SGO2: variants seen among roughly 807,000 people sequenced by gnomAD.
The protein encoded by SGO2 is shugoshin 2, also known as shugoshin-like 2.
SGO2 carries 68 observed loss-of-function variants against 99.5 expected under a neutral mutation model. The observed-to-expected ratio is 0.68, with a 90% CI of 0.56 to 0.84. The LOEUF (loss-of-function observed/expected upper bound fraction) is 0.84. SGO2 is among the 40% of genes least tolerant of loss of function. The pLI is 0.00. For missense variants in SGO2, 1,350 were observed against 1,436.7 expected, an observed-to-expected ratio of 0.94 and a Z score of 0.97; for synonymous variants, 457 against 487.1, an observed-to-expected ratio of 0.94 and a Z score of 0.81.
Position 200,569,894 on chromosome 2 carries a change from TG to T in SGO2, c.703+3del. The T allele has an allele frequency of 6.5e-7, 1 of 1,547,064 alleles. No individual in the cohort carries two copies. The highest frequency in any genetic ancestry group is 8.9e-7 in the Non-Finnish European group (1 of 1,125,560). ...CTATAGTTGATGTACCTCCCAGAGG[TG>T]AGATTGTTTTAAAAATTCATTTTGA... On this transcript the variant is annotated splice_donor_region_variant and intron_variant, in intron 6 of 8. Transcript: ENST00000357799.
At chr2:200,574,357 G>A (rs1192722199) in intron 7 of SGO2, among the ~76,000 whole-genome samples, 2 of 151,950 alleles carry the variant, frequency 1.3e-5, no homozygotes, top group African/African-American at 4.8e-5. Context: ...TTTCTTGAGA[G>A]TGAGACTCTT....
chr2:200,570,478 ATG>A lies in SGO2; in HGVS notation c.704-541_704-540del, dbSNP rs71022323. On this transcript the variant is annotated intron_variant, in intron 6 of 8. Coordinates refer to ENST00000357799, the MANE Select transcript of SGO2 (RefSeq NM_152524.6). The surrounding 1 kb of genome is among the most constrained non-coding windows in gnomAD (Gnocchi z 4.4). ...TTAGAATTGTTTTTCCTTTCTGAAA[ATG>A]TGTGTGTGTGTGTGTGTGTGTGTGT... Among the ~76,000 whole-genome samples, 5,029 of 142,752 alleles carry A rather than the reference ATG, an allele frequency of 0.035. 240 individuals carry two copies. The highest frequency in any genetic ancestry group is 0.11 in the African/African-American group (4,225 of 38,578). The allele number at this position is 142,752 out of a possible 152,430, so 93.7% of individuals were successfully genotyped here.
Position 200,571,877 on chromosome 2 carries a change from G to A in SGO2, c.1531G>A (p.Gly511Ser). 1 of 1,613,448 alleles carries A rather than the reference G, an allele frequency of 6.2e-7. No homozygotes were observed. The highest frequency in any genetic ancestry group is 1.1e-5 in the South Asian group (1 of 91,034). ...EETYSLSQSS[G>S]KFHQESKFDK... is the part of the protein sequence containing the mutation. ...AACATACTCTTTATCCCAAAGTTCA[G>A]GTAAATTTCACCAGGAGAGTAAATT... is the stretch of plus-strand genomic sequence containing the variant. Residue 511 changes from glycine to serine, a missense_variant, in exon 7 of 9, where the codon GGT becomes AGT. Gly to Ser is a moderately conservative substitution (Grantham distance 56). Transcript: ENST00000357799.
rs1173793334 is a variant in SGO2, at chr2:200,571,135, G to A, written c.789G>A (p.Glu263=). The A allele has an allele frequency of 1.2e-6, 2 of 1,613,500 alleles. No homozygotes were observed. The highest frequency in any genetic ancestry group is 2.7e-5 in the African/African-American group (2 of 74,904). The change falls in exon 7 of 9, where the codon GAG becomes GAA. Residue 263 remains glutamate (E), a synonymous_variant. Coordinates refer to ENST00000357799, the MANE Select transcript of SGO2 (RefSeq NM_152524.6). The part of the protein sequence containing the change: ...RNAQSIGRRW[E]KPSPSNVTER... ...CCCAGTCTATTGGCCGCAGATGGGA[G>A]AAACCATCTCCTAGTAATGTGACTG...
At chr2:200,582,663 T>G (rs2033878796) in intron 8 of SGO2, among the ~76,000 whole-genome samples, 1 of 152,270 alleles carries the variant, frequency 6.6e-6, no homozygotes, top group East Asian at 1.9e-4. Context: ...GCAAATATTT[T>G]GTAGGGAGTT....
At position 200,547,479 on chromosome 2, in the gene SGO2, A is replaced by G. The variant is rs145905224; in HGVS notation, c.473+4815A>G. 2.8e-3 allele frequency among the ~76,000 whole-genome samples: 429 copies of G among 152,292 alleles called. 4 individuals carry two copies. The highest frequency in any genetic ancestry group is 9.5e-3 in the African/African-American group (395 of 41,544). On this transcript the variant is annotated intron_variant, in intron 5 of 8. Coordinates refer to ENST00000357799, the MANE Select transcript of SGO2 (RefSeq NM_152524.6). ...CTGGTAAAATTAAGTACACAGACAA[A>G]CTCAGAATCCTTTGTTAACTGTATT...
chr2:200,536,259 TGATAATATCAGTTTTAACTGGCTAACA>T, intron 4 of SGO2, 117 bp downstream of exon 4: 1 of 553,106 alleles, frequency 1.8e-6, no homozygotes. Context: ...AAAGGACTGA[TGATAATATCAGTTTTAACTGGCTAACA>T]GCATATTATC....
rs1220071078 is a variant in SGO2 at position 200,572,005 on chromosome 2, G to C, written c.1659G>C (p.Lys553Asn). ...LEKDNLLPNQ[K>N]DKVTIYENLD... ...AAGATAACTTACTCCCAAACCAAAA[G>C]GATAAAGTAACCATTTATGAAAACC... Residue 553 changes from lysine to asparagine, a missense_variant, in exon 7 of 9, where the codon AAG becomes AAC. By Grantham distance (94) the Lys-to-Asn change is moderately conservative. Coordinates refer to ENST00000357799, the MANE Select transcript of SGO2 (RefSeq NM_152524.6). 6.2e-7 allele frequency: 1 copy of C among 1,611,928 alleles called. No individual in the cohort carries two copies. Among genetic ancestry groups the C allele is most frequent in the East Asian group, 2.2e-5 (1 of 44,834 alleles).
At chr2:200,539,851 T>C (rs1208391135) in intron 4 of SGO2, among the ~76,000 whole-genome samples, 1 of 152,148 alleles carries the variant, frequency 6.6e-6, no homozygotes, top group Non-Finnish European at 1.5e-5. Context: ...ACAGGAATGT[T>C]TTATCTTTTT....
chr2:200,542,523 C>T, intron 4 of SGO2, 56 bp from the exon 5 acceptor site: 1 of 1,367,278 alleles, frequency 7.3e-7, no homozygotes. Flanking sequence ...ACTGTGATAA[C>T]TAACATGATT....
Position 200,573,536 on chromosome 2 carries a change from G to T in SGO2, c.3190G>T (p.Glu1064Ter). Residue 1064 changes from glutamate (E) to a stop codon, truncating the protein, a stop_gained, in exon 7 of 9, where the codon GAA becomes TAA. Transcript: ENST00000357799. LOFTEE classifies it high-confidence loss of function. ...TCTCCCTTTTGTGGAAGAAATAAAA[G>T]AAGGAGAGTGTCAGGTTAAAAAGGT... ...KDLPFVEEIKEGECQVKKVNK... is the reference protein window; with the variant it reads ...KDLPFVEEIK The T allele has an allele frequency of 6.2e-7, 1 of 1,610,920 alleles. No individual in the cohort carries two copies. Among genetic ancestry groups the T allele is most frequent in the South Asian group, 1.1e-5 (1 of 90,182 alleles).
rs1046944878 is a variant in SGO2, at chr2:200,526,910, T to C, written c.-3+658T>C. Reference sequence around the variant, plus strand: ...GCTGATAGTTTACCAGGTCCCGTACTAGACACTGTACATACATTGGCTCAT... The same window carrying C: ...GCTGATAGTTTACCAGGTCCCGTACCAGACACTGTACATACATTGGCTCAT... On this transcript the variant is annotated intron_variant, in intron 1 of 8. Transcript: ENST00000357799. This position sits in a 1 kb window ranked among gnomAD's most constrained non-coding sequence, Gnocchi z 4.8. 6.6e-6 allele frequency among the ~76,000 whole-genome samples: 1 copy of C among 152,222 alleles called. No individual in the cohort carries two copies. The highest frequency in any genetic ancestry group is 2.4e-5 in the African/African-American group (1 of 41,454).
intron 1 of SGO2, among the ~76,000 whole-genome samples, chr2:200,530,719 TA>T (rs1276822841): frequency 6.6e-6 from 1 of 152,128 alleles, no homozygotes; most frequent in African/African-American, 2.4e-5. Flanking sequence ...GCCAAGGAAA[TA>T]CAATTTTTGA....
chr2:200,565,705 G>C (rs554229169), intron 5 of SGO2, among the ~76,000 whole-genome samples: 1 of 152,328 alleles, frequency 6.6e-6, no homozygotes, highest in East Asian at 1.9e-4. Context: ...ACACCAGTCA[G>C]ACGTAGATTT....
intron 5 of SGO2, 108 bp downstream of exon 5, chr2:200,542,772 C>T: frequency 1.1e-6 from 1 of 903,936 alleles, no homozygotes; most frequent in African/African-American, 1.7e-5. Context: ...CTGTAGTTAT[C>T]TACTAACGTA....
chr2:200,530,178 A>G (rs770160231), intron 1 of SGO2, among the ~76,000 whole-genome samples: 4 of 152,164 alleles, frequency 2.6e-5, no homozygotes, highest in Non-Finnish European at 4.4e-5. Flanking sequence ...CACTGTAGGG[A>G]CAGCAGCAGT....
At chr2:200,556,317 A>G (rs2032716056) in intron 5 of SGO2, among the ~76,000 whole-genome samples, 1 of 152,154 alleles carries the variant, frequency 6.6e-6, no homozygotes, top group Non-Finnish European at 1.5e-5. Context: ...GCTCTTTTAA[A>G]AAGTCCTTTT....
At position 200,546,768 on chromosome 2, in the gene SGO2, G is replaced by C. The variant is rs112177594; in HGVS notation, c.473+4104G>C. Among the ~76,000 whole-genome samples, 653 of 152,168 alleles carry C rather than the reference G, an allele frequency of 4.3e-3. 9 individuals carry two copies. The highest frequency in any genetic ancestry group is 0.015 in the African/African-American group (611 of 41,524). On this transcript the variant is annotated intron_variant, in intron 5 of 8. Coordinates refer to ENST00000357799, the MANE Select transcript of SGO2 (RefSeq NM_152524.6). ...CTTTAGAGGTTCTTAACAGCAGAATGAACCAAGCAGAGGAAAGAATCAGTG... is the reference window on the plus strand; with the variant it reads ...CTTTAGAGGTTCTTAACAGCAGAATCAACCAAGCAGAGGAAAGAATCAGTG...
At chr2:200,553,162 C>G (rs1160475679) in intron 5 of SGO2, among the ~76,000 whole-genome samples, 1 of 152,100 alleles carries the variant, frequency 6.6e-6, no homozygotes, top group Non-Finnish European at 1.5e-5. Flanking sequence ...AAGGTGATAC[C>G]TGGAAGATTA....
Sources: gnomAD v4.1 joint callset for allele counts (sites outside exome capture counted in the v4.1 genomes callset) on GRCh38, gnomAD v4.1.1 for gene constraint, Gnocchi (gnomAD v3.1) non-coding constraint, MANE v1.5 for transcripts, NCBI Gene and HGNC (gene_info 2026-07-23, HGNC 2026-07-21) for gene names.